Variants in CNTN5 observed in about 807,000 individuals in gnomAD.
CNTN5 encodes contactin 5.
In CNTN5, 77 loss-of-function variants were observed where a neutral mutation model predicts 129.1. That is an observed-to-expected ratio of 0.60 (90% CI 0.50 to 0.72). The LOEUF (loss-of-function observed/expected upper bound fraction) is 0.72, where lower values mean the gene tolerates loss of function less well. Among genes scored for constraint, CNTN5 ranks in the 30% least tolerant of loss-of-function variants. The pLI, the probability that CNTN5 is intolerant of heterozygous loss-of-function variation, is 0.00. For synonymous variants in CNTN5, 509 were observed against 465.6 expected, an observed-to-expected ratio of 1.09 and a Z score of -1.20; for missense variants, 1,478 against 1,328.8, an observed-to-expected ratio of 1.11 and a Z score of -1.75.
At chr11:99,790,850 T>A (rs1945716639) in intron 3 of CNTN5, among the ~76,000 whole-genome samples, 1 of 152,152 alleles carries the variant, frequency 6.6e-6, no homozygotes, top group Non-Finnish European at 1.5e-5. Flanking sequence ...TGACATTTTA[T>A]TAATTGCCAT....
chr11:99,832,686 A>G (rs967315644), intron 4 of CNTN5, among the ~76,000 whole-genome samples: 6 of 152,324 alleles, frequency 3.9e-5, no homozygotes, highest in South Asian at 4.1e-4. Flanking sequence ...CCTTGTAACT[A>G]TGTCATCATA....
intron 2 of CNTN5, among the ~76,000 whole-genome samples, chr11:99,448,476 G>A (rs899651373): frequency 6.6e-6 from 1 of 151,840 alleles, no homozygotes; most frequent in Admixed American, 6.6e-5. Flanking sequence ...TAGAAACCAA[G>A]AACAGTTTAG....
intron 3 of CNTN5, among the ~76,000 whole-genome samples, chr11:99,651,969 C>T (rs1053500155): frequency 1.3e-5 from 2 of 151,994 alleles, no homozygotes; most frequent in East Asian, 1.9e-4. Flanking sequence ...CTGCATAACA[C>T]GTTGCCACAA....
chr11:99,825,608 TTATC>T (rs1393108274), intron 4 of CNTN5, among the ~76,000 whole-genome samples: 2 of 152,082 alleles, frequency 1.3e-5, no homozygotes, highest in African/African-American at 4.8e-5. Flanking sequence ...ATCTTAGTCT[TTATC>T]TGTCTGAAAA....
chr11:99,136,535 T>A (rs1859230072), intron 1 of CNTN5, among the ~76,000 whole-genome samples: 1 of 152,214 alleles, frequency 6.6e-6, no homozygotes, highest in African/African-American at 2.4e-5. Context: ...CCTCTACTCC[T>A]GCCATCTTAC....
chr11:100,009,850 A>T (rs1207824843), intron 9 of CNTN5, among the ~76,000 whole-genome samples: 1 of 152,190 alleles, frequency 6.6e-6, no homozygotes, highest in Non-Finnish European at 1.5e-5. Context: ...CAGGCTGAAT[A>T]TTAAGAGTAG....
intron 3 of CNTN5, among the ~76,000 whole-genome samples, chr11:99,628,439 C>T (rs117951785): frequency 0.015 from 2,330 of 152,096 alleles, 106 homozygotes; most frequent in Admixed American, 0.097. Context: ...TTCCTGAGAT[C>T]ATGTTGCATT....
chr11:99,869,993 T>TC (rs1205313724), intron 6 of CNTN5, among the ~76,000 whole-genome samples: 2 of 152,012 alleles, frequency 1.3e-5, no homozygotes, highest in Admixed American at 6.6e-5. Context: ...GATTTACCCT[T>TC]CCCCCCTGCC....
At chr11:100,096,922 G>A (rs550802309) in intron 13 of CNTN5, among the ~76,000 whole-genome samples, 4 of 152,236 alleles carry the variant, frequency 2.6e-5, no homozygotes, top group African/African-American at 9.6e-5. Context: ...TGTAATCCCA[G>A]TAGCTGGGGA....
At chr11:99,419,653 A>G (rs902277383) in intron 2 of CNTN5, among the ~76,000 whole-genome samples, 5 of 152,132 alleles carry the variant, frequency 3.3e-5, no homozygotes, top group Non-Finnish European at 7.3e-5. Context: ...TTTAAATAGT[A>G]TCTTTTACTT....
chr11:99,915,244 G>GT (rs954745805), intron 6 of CNTN5, among the ~76,000 whole-genome samples: 6 of 152,090 alleles, frequency 3.9e-5, no homozygotes, highest in African/African-American at 1.4e-4. Context: ...GGAAAGGAGC[G>GT]TAAGTACTGA....
At chr11:100,248,578 A>G (rs1227081668) in intron 16 of CNTN5, among the ~76,000 whole-genome samples, 2 of 152,112 alleles carry the variant, frequency 1.3e-5, no homozygotes, top group Admixed American at 6.6e-5. Flanking sequence ...AAAAAGCAGG[A>G]AAGTCCTTAA....
At chr11:99,964,458 A>G (rs9736797) in intron 8 of CNTN5, among the ~76,000 whole-genome samples, 139,364 of 152,190 alleles carry the variant, frequency 0.92, 64,264 homozygotes, top group Non-Finnish European at 0.97. Flanking sequence ...GCTGGATTAC[A>G]TTTATTGATT....
At chr11:99,130,813 A>G (rs1858896168) in intron 1 of CNTN5, among the ~76,000 whole-genome samples, 1 of 152,184 alleles carries the variant, frequency 6.6e-6, no homozygotes, top group Non-Finnish European at 1.5e-5. Context: ...AAACCAACTC[A>G]AAACCACACA....
chr11:99,819,793 A>C (rs995749970), intron 4 of CNTN5, 28 bp downstream of exon 4: 2 of 249,018 alleles, frequency 8.0e-6, no homozygotes, highest in Admixed American at 1.7e-4. Context: ...ATGGCTCCAG[A>C]TAGAATAAAG....
intron 2 of CNTN5, among the ~76,000 whole-genome samples, chr11:99,545,939 T>G (rs7936053): frequency 0.39 from 59,648 of 152,000 alleles, 12,003 homozygotes; most frequent in African/African-American, 0.43. Flanking sequence ...TCTCCTAAAA[T>G]GGATACAAAT....
intron 3 of CNTN5, among the ~76,000 whole-genome samples, chr11:99,797,940 C>CT (rs1251146365): frequency 1.1e-4 from 16 of 152,022 alleles, no homozygotes; most frequent in Admixed American, 7.9e-4. Context: ...GCCTGTTTAT[C>CT]TTTTTTTAAA....
At chr11:100,354,568 A>G (rs969640484) in intron 24 of CNTN5, among the ~76,000 whole-genome samples, 1 of 151,666 alleles carries the variant, frequency 6.6e-6, no homozygotes, top group Non-Finnish European at 1.5e-5. Flanking sequence ...AAATAAAATA[A>G]TGTTATTAGA....
At chr11:99,071,021 T>G (rs889528869) in intron 1 of CNTN5, among the ~76,000 whole-genome samples, 2 of 152,280 alleles carry the variant, frequency 1.3e-5, no homozygotes, top group South Asian at 2.1e-4. Flanking sequence ...ATGGCCCTGC[T>G]TGTTGCTGTT....
Sources: gnomAD v4.1 joint callset for allele counts (sites outside exome capture counted in the v4.1 genomes callset) on GRCh38, gnomAD v4.1.1 for gene constraint, MANE v1.5 for transcripts, NCBI Gene and HGNC (gene_info 2026-07-23, HGNC 2026-07-21) for gene names.